Variants in DLGAP2 observed in about 807,000 individuals in gnomAD.
DLGAP2 encodes the protein DLG associated protein 2, also known as disks large-associated protein 2.
In DLGAP2, 26 loss-of-function variants were observed where a neutral mutation model predicts 100.3. The observed-to-expected ratio is 0.26, with a 90% CI of 0.19 to 0.36. DLGAP2 has a LOEUF of 0.36. Among genes scored for constraint, DLGAP2 ranks in the 10% least tolerant of loss-of-function variants. DLGAP2 has a pLI of 1.00. For missense variants in DLGAP2, 1,858 were observed against 1,453.2 expected (o/e 1.28, Z -4.53); for synonymous variants, 886 against 630.1 (o/e 1.41, Z -6.08).
chr8:1,660,913 A>G (rs1313816916), intron 8 of DLGAP2, among the ~76,000 whole-genome samples: 1 of 152,210 alleles, frequency 6.6e-6, no homozygotes. Context: ...TCACCGAAGA[A>G]TACACGGCAC....
intron 5 of DLGAP2, among the ~76,000 whole-genome samples, chr8:1,558,193 C>T (rs1802031333): frequency 6.6e-6 from 1 of 152,172 alleles, no homozygotes; most frequent in Non-Finnish European, 1.5e-5. Flanking sequence ...TCCATGAGCC[C>T]GTGGCTCCCA....
At chr8:853,644 C>T (rs553197402) in intron 1 of DLGAP2, among the ~76,000 whole-genome samples, 7 of 152,190 alleles carry the variant, frequency 4.6e-5, no homozygotes, top group Non-Finnish European at 8.8e-5. Context: ...CGCAAGCAGC[C>T]GTTCTAGGGA....
At position 1,039,528 on chromosome 8, in the gene DLGAP2, CGGTGTGCGTGGTCAGCTT is replaced by C. The variant is rs1232711218; in HGVS notation, c.73+131598_73+131615del. Among the ~76,000 whole-genome samples the C allele has an allele frequency of 7.1e-4, 84 of 118,538 alleles. 3 individuals carry two copies. Among genetic ancestry groups the C allele is most frequent in the African/African-American group, 2.3e-3 (64 of 28,042 alleles). The allele number at this position is 118,538 out of a possible 152,430, so 77.8% of individuals were successfully genotyped here. On this transcript the variant is annotated intron_variant, in intron 2 of 14. Transcript: ENST00000637795. Reference sequence around the variant, plus strand: ...GTCGGCTCGGTGTGCATGTTCAGCTCGGTGTGCGTGGTCAGCTTGGTGTGCGTGGTCAGCTTGGTGTGC... The same window carrying C: ...GTCGGCTCGGTGTGCATGTTCAGCTCGGTGTGCGTGGTCAGCTTGGTGTGC...
intron 6 of DLGAP2, among the ~76,000 whole-genome samples, chr8:1,609,934 T>G (rs1380113312): frequency 6.6e-6 from 1 of 150,692 alleles, no homozygotes; most frequent in Non-Finnish European, 1.5e-5. Flanking sequence ...CACACATTAA[T>G]AATGGGAGAC....
At chr8:787,287 C>T (rs1462231751) in intron 1 of DLGAP2, among the ~76,000 whole-genome samples, 2 of 152,188 alleles carry the variant, frequency 1.3e-5, no homozygotes, top group Admixed American at 1.3e-4. Context: ...TGTTCTCTCA[C>T]ATTTGCCTGT....
intron 1 of DLGAP2, among the ~76,000 whole-genome samples, chr8:778,094 T>C (rs1821577285): frequency 6.6e-6 from 1 of 152,198 alleles, no homozygotes; most frequent in Admixed American, 6.5e-5. Context: ...ATTTCTTTCA[T>C]TTCATCTTCC....
At chr8:1,007,205 G>T (rs563596806) in intron 2 of DLGAP2, among the ~76,000 whole-genome samples, 1 of 152,078 alleles carries the variant, frequency 6.6e-6, no homozygotes, top group Non-Finnish European at 1.5e-5. Flanking sequence ...CGGGGACACC[G>T]TGCATCTCAA....
At chr8:1,590,175 C>T (rs1229169184) in intron 6 of DLGAP2, among the ~76,000 whole-genome samples, 1 of 152,188 alleles carries the variant, frequency 6.6e-6, no homozygotes, top group South Asian at 2.1e-4. Context: ...TCGGAGCCCA[C>T]TCCGGTGACC....
intron 3 of DLGAP2, among the ~76,000 whole-genome samples, chr8:1,303,594 C>T (rs1429981942): frequency 1.3e-5 from 2 of 152,078 alleles, no homozygotes; most frequent in Non-Finnish European, 2.9e-5. Flanking sequence ...GTGTAACTCT[C>T]TCTTAACGGA....
Position 1,676,603 on chromosome 8 carries a change from T to C in DLGAP2, c.2273T>C (p.Val758Ala). 6.2e-7 allele frequency: 1 copy of C among 1,612,840 alleles called. No individual in the cohort carries two copies. Among genetic ancestry groups the C allele is most frequent in the South Asian group, 1.1e-5 (1 of 90,700 alleles). ...LREYHSVGVQVEDEKRHGRFK... is the reference protein window; with the variant it reads ...LREYHSVGVQAEDEKRHGRFK... ...GAATACCACTCTGTCGGGGTGCAAG[T>C]GGAAGATGAGAAGCGGTAACTCAGC... The change falls in exon 11 of 15, where the codon GTG becomes GCG. Residue 758 changes from valine (V) to alanine (A), a missense_variant. By Grantham distance (64) the Val-to-Ala change is moderately conservative (BLOSUM62 0). Coordinates refer to ENST00000637795, the MANE Select transcript of DLGAP2 (RefSeq NM_001346810.2).
chr8:1,185,017 G>C (rs374234811), intron 2 of DLGAP2, among the ~76,000 whole-genome samples: 36 of 152,178 alleles, frequency 2.4e-4, no homozygotes, highest in African/African-American at 7.0e-4. Flanking sequence ...TGAAGGGTCT[G>C]ACCCGGGGGA....
chr8:808,736 C>T (rs1401171286), intron 1 of DLGAP2, among the ~76,000 whole-genome samples: 1 of 152,328 alleles, frequency 6.6e-6, no homozygotes, highest in South Asian at 2.1e-4. Context: ...TGCCAGCCAA[C>T]CCACCTCACG....
intron 3 of DLGAP2, among the ~76,000 whole-genome samples, chr8:1,498,276 C>A (rs1235087927): frequency 6.6e-6 from 1 of 151,900 alleles, no homozygotes; most frequent in Non-Finnish European, 1.5e-5. Context: ...TGTTTCTTAT[C>A]AGAGTCAATT....
intron 2 of DLGAP2, among the ~76,000 whole-genome samples, chr8:931,720 G>A (rs545365950): frequency 6.6e-6 from 1 of 152,284 alleles, no homozygotes; most frequent in South Asian, 2.1e-4. Flanking sequence ...CCTTCTTACT[G>A]GGCTGCTGAA....
At chr8:1,104,792 C>T (rs1296210463) in intron 2 of DLGAP2, 2 of 152,198 alleles carry the variant, frequency 1.3e-5, no homozygotes, top group Admixed American at 6.5e-5. Flanking sequence ...GCCCCGGGAC[C>T]ACTCGCACCT....
intron 3 of DLGAP2, among the ~76,000 whole-genome samples, chr8:1,496,834 C>T (rs777850667): frequency 1.3e-5 from 2 of 152,296 alleles, no homozygotes; most frequent in Non-Finnish European, 2.9e-5. Context: ...CAGAGGTGTG[C>T]GTTGCTGGAG....
At chr8:880,015 T>A (rs1797757303) in intron 1 of DLGAP2, among the ~76,000 whole-genome samples, 1 of 152,194 alleles carries the variant, frequency 6.6e-6, no homozygotes, top group Admixed American at 6.5e-5. Context: ...CCTTGTTTTG[T>A]GTAAGAAATG....
At chr8:963,741 A>C (rs1043906257) in intron 2 of DLGAP2, among the ~76,000 whole-genome samples, 5 of 151,536 alleles carry the variant, frequency 3.3e-5, no homozygotes, top group African/African-American at 1.2e-4. Context: ...TTATTAACTC[A>C]ATATTATTTC....
Position 1,417,976 on chromosome 8 carries a change from A to G in DLGAP2, c.107-83390A>G, listed in dbSNP as rs1285254105. ...TCTGTCGTGAAAAAAAAAGAATTAA[A>G]TATCTGAAATCAGCACGTTTGGAGA... is the stretch of plus-strand genomic sequence containing the variant. On this transcript the variant is annotated intron_variant, in intron 3 of 14. Transcript: ENST00000637795. Among the ~76,000 whole-genome samples the G allele has an allele frequency of 7.2e-5, 11 of 152,334 alleles. No individual in the cohort carries two copies. The South Asian group carries it at 2.3e-3, about 32-fold the overall frequency.
Sources: allele counts gnomAD v4.1 joint callset (sites outside exome capture counted in the v4.1 genomes callset), GRCh38; gene constraint gnomAD v4.1.1; transcripts MANE v1.5; gene names NCBI Gene and HGNC (gene_info 2026-07-23, HGNC 2026-07-21).